Variants in GRM5 observed in about 807,000 individuals in gnomAD.
The protein encoded by GRM5 is metabotropic glutamate receptor 5.
GRM5 carries 19 observed loss-of-function variants against 83.1 expected under a neutral mutation model. That is an observed-to-expected ratio of 0.23 (90% confidence interval 0.16 to 0.34). The LOEUF (loss-of-function observed/expected upper bound fraction) is 0.34. GRM5 is among the 10% of genes least tolerant of loss of function. GRM5 has a pLI of 1.00. For synonymous variants in GRM5, 675 were observed against 633.6 expected (o/e 1.07, Z -0.98); for missense variants, 1,160 against 1,588.3 (o/e 0.73, Z 4.58).
rs530478628 is a variant in GRM5 at position 88,683,680 on chromosome 11, A to T, written c.912-30277T>A. Among the ~76,000 whole-genome samples the T allele has an allele frequency of 5.9e-5, 9 of 152,368 alleles. No individual in the cohort carries two copies. The South Asian group carries it at 1.9e-3, about 32-fold the overall frequency. ...TCTTTCTGCTCTTGTGTGAAATTCA[A>T]CATCTACTTTAGGTAAATGTAAATT... On this transcript the variant is annotated intron_variant, in intron 3 of 9. Transcript: ENST00000305447.
chr11:89,065,331 G>C (rs1942078745), intron 1 of GRM5, among the ~76,000 whole-genome samples: 2 of 151,230 alleles, frequency 1.3e-5, no homozygotes, highest in Admixed American at 6.6e-5. Flanking sequence ...GAGAGAGAGA[G>C]AGACAGACAC....
At chr11:88,670,865 A>T (rs1332965867) in intron 3 of GRM5, among the ~76,000 whole-genome samples, 1 of 152,102 alleles carries the variant, frequency 6.6e-6, no homozygotes, top group Non-Finnish European at 1.5e-5. Context: ...ATAGGTTGGT[A>T]CAACTGCATT....
At chr11:88,718,692 C>G (rs902836922) in intron 3 of GRM5, among the ~76,000 whole-genome samples, 1 of 151,902 alleles carries the variant, frequency 6.6e-6, no homozygotes, top group Non-Finnish European at 1.5e-5. Context: ...CTCTATCTTC[C>G]TAGTTTCCAT....
intron 4 of GRM5, among the ~76,000 whole-genome samples, chr11:88,628,680 A>G (rs1434590234): frequency 1.3e-5 from 2 of 152,220 alleles, no homozygotes. Context: ...GCTGCTGTCC[A>G]TCAGGAGCAG....
At chr11:88,833,162 C>T (rs897475532) in intron 3 of GRM5, among the ~76,000 whole-genome samples, 5 of 151,924 alleles carry the variant, frequency 3.3e-5, no homozygotes, top group Non-Finnish European at 7.4e-5. Context: ...ACATAATCAA[C>T]AGAGTGAAGA....
intron 2 of GRM5, among the ~76,000 whole-genome samples, chr11:89,042,396 T>C (rs1373507712): frequency 6.6e-6 from 1 of 152,214 alleles, no homozygotes; most frequent in African/African-American, 2.4e-5. Flanking sequence ...GACACAACTC[T>C]GCAACTAATT....
At chr11:88,913,355 G>A (rs1945532576) in intron 2 of GRM5, among the ~76,000 whole-genome samples, 1 of 152,056 alleles carries the variant, frequency 6.6e-6, no homozygotes, top group African/African-American at 2.4e-5. Context: ...GCAAACTCAT[G>A]CAGAGGGTAG....
In GRM5 at chr11:88,521,625, A is replaced by G. The variant is rs538249280; in HGVS notation, c.2726+3684T>C. Among the ~76,000 whole-genome samples the G allele has an allele frequency of 2.6e-5, 4 of 152,282 alleles. No homozygotes were observed. In the South Asian group the frequency reaches 6.2e-4, roughly 24 times the overall value. ...AGGACTCTCTTTTACTTCTCCTGCAATCAGGAGGATTCTGCTCTGAATCAC... is the reference window on the plus strand; with the variant it reads ...AGGACTCTCTTTTACTTCTCCTGCAGTCAGGAGGATTCTGCTCTGAATCAC... On this transcript the variant is annotated intron_variant, in intron 9 of 9. Coordinates refer to ENST00000305447, the MANE Select transcript of GRM5 (RefSeq NM_001143831.3).
At chr11:88,616,246 T>C (rs1271283792) in intron 4 of GRM5, among the ~76,000 whole-genome samples, 1 of 152,146 alleles carries the variant, frequency 6.6e-6, no homozygotes, top group Non-Finnish European at 1.5e-5. Flanking sequence ...CTGGGAGAAG[T>C]TTGTTGCCAG....
chr11:88,604,919 C>T lies in GRM5; in HGVS notation c.1193G>A (p.Gly398Glu). Reference sequence around the variant, plus strand: ...CGAATAGATGGCGTTGATCACAAATCCCATTTTGGAATCCTGAACATGATG... The same window carrying T: ...CGAATAGATGGCGTTGATCACAAATTCCATTTTGGAATCCTGAACATGATG... Reference protein sequence around the residue: ...KTHHVQDSKMGFVINAIYSMA... With the variant: ...KTHHVQDSKMEFVINAIYSMA... The change falls in exon 5 of 10, where the codon GGA (glycine) becomes GAA (glutamate). Residue 398 changes from glycine to glutamate, a missense_variant. By Grantham distance (98) the Gly-to-Glu change is moderately conservative. This residue lies in a region of GRM5 where 132 missense variants were observed against 197.6 expected (regional missense o/e 0.67). Coordinates refer to ENST00000305447, the MANE Select transcript of GRM5 (RefSeq NM_001143831.3). 6.2e-7 allele frequency: 1 copy of T among 1,612,542 alleles called. No individual in the cohort carries two copies. Among genetic ancestry groups the T allele is most frequent in the Non-Finnish European group, 8.5e-7 (1 of 1,178,640 alleles).
At chr11:88,724,901 C>A (rs1941638291) in intron 3 of GRM5, among the ~76,000 whole-genome samples, 1 of 152,168 alleles carries the variant, frequency 6.6e-6, no homozygotes. Flanking sequence ...AAAGTCTTCA[C>A]AACCCGCAGA....
At chr11:88,554,715 G>A in intron 8 of GRM5, among the ~76,000 whole-genome samples, 1 of 152,078 alleles carries the variant, frequency 6.6e-6, no homozygotes, top group Admixed American at 6.6e-5. Context: ...ATAATCTTTT[G>A]GATTGGACAT....
intron 2 of GRM5, among the ~76,000 whole-genome samples, chr11:88,967,191 A>G (rs555318460): frequency 6.8e-6 from 1 of 147,806 alleles, no homozygotes; most frequent in East Asian, 2.0e-4. Context: ...ACTAAAGAAG[A>G]TATATGTGTG....
intron 2 of GRM5, among the ~76,000 whole-genome samples, chr11:88,959,163 C>T (rs558652119): frequency 6.6e-6 from 1 of 152,178 alleles, no homozygotes; most frequent in African/African-American, 2.4e-5. Flanking sequence ...CTTTGGATCA[C>T]ATATTAGTAA....
chr11:88,660,908 T>C (rs566293131), intron 3 of GRM5, among the ~76,000 whole-genome samples: 1 of 152,210 alleles, frequency 6.6e-6, no homozygotes, highest in African/African-American at 2.4e-5. Flanking sequence ...TGAATGCAAC[T>C]TATCAAAAAG....
At chr11:88,870,708 CA>C (rs1167062763) in intron 2 of GRM5, among the ~76,000 whole-genome samples, 3 of 151,500 alleles carry the variant, frequency 2.0e-5, no homozygotes, top group South Asian at 2.1e-4. Context: ...AAGGAATCTA[CA>C]AAACGACATT....
Position 88,509,344 on chromosome 11 carries a change from C to A in GRM5, c.2887G>T (p.Ala963Ser), listed in dbSNP as rs199674837. The A allele has an allele frequency of 1.9e-6, 3 of 1,604,222 alleles. No individual in the cohort carries two copies. Among genetic ancestry groups the A allele is most frequent in the African/African-American group, 2.7e-5 (2 of 74,296 alleles). ...PKSTESRGLG[A>S]GAGAGGSAGG... ...GCGCTCCCGCCTGCGCCAGCGCCAGCGCCCAGGCCACGGCTCTCCGTGCTC... is the reference window on the plus strand; with the variant it reads ...GCGCTCCCGCCTGCGCCAGCGCCAGAGCCCAGGCCACGGCTCTCCGTGCTC... Residue 963 changes from alanine to serine, a missense_variant, in exon 10 of 10, where the codon GCT (alanine) becomes TCT (serine). By Grantham distance (99) the Ala-to-Ser change is moderately conservative. Transcript: ENST00000305447.
At chr11:88,833,512 A>C (rs1315286723) in intron 3 of GRM5, among the ~76,000 whole-genome samples, 1 of 151,830 alleles carries the variant, frequency 6.6e-6, no homozygotes, top group Non-Finnish European at 1.5e-5. Context: ...AAGAAAAGGG[A>C]AAGACAATAT....
rs529201752 is a variant in GRM5 at position 89,039,840 on chromosome 11, C to T, written c.661+7372G>A. Among the ~76,000 whole-genome samples, 8 of 152,326 alleles carry T rather than the reference C, an allele frequency of 5.3e-5. No homozygotes were observed. In the South Asian group the frequency reaches 1.7e-3, roughly 32 times the overall value. The stretch of plus-strand genomic sequence containing the variant: ...GCATTTGATATTGGTCTTGCCCTGT[C>T]ACCCAGGCTGAGTGCAGTGGTGCAA... On this transcript the variant is annotated intron_variant, in intron 2 of 9. Coordinates refer to ENST00000305447, the MANE Select transcript of GRM5 (RefSeq NM_001143831.3).
Sources: gnomAD v4.1 joint callset for allele counts (sites outside exome capture counted in the v4.1 genomes callset) on GRCh38, gnomAD v4.1.1 for gene constraint, gnomAD v4.1.1 regional missense constraint, MANE v1.5 for transcripts, NCBI Gene and HGNC (gene_info 2026-07-23, HGNC 2026-07-21) for gene names.